UTRN: variants seen among roughly 807,000 people sequenced by gnomAD.
The protein encoded by UTRN is utrophin.
A neutral mutation model predicts 463.9 loss-of-function variants in UTRN; 283 were observed. That is an observed-to-expected ratio of 0.61 (90% CI 0.55 to 0.67). The LOEUF (loss-of-function observed/expected upper bound fraction) is 0.67, where lower values mean the gene tolerates loss of function less well. UTRN is among the 30% of genes least tolerant of loss of function. The pLI is 0.00. For missense variants in UTRN, 3,922 were observed against 4,084.3 expected (o/e 0.96, Z 1.08); for synonymous variants, 1,442 against 1,431.5 (o/e 1.01, Z -0.17).
Position 144,748,349 on chromosome 6 carries a change from T to C in UTRN, c.8043T>C (p.Asn2681=). ...KWESLNAVTS[N]WQKQVDKALE... ...AAAGTCTAAATGCTGTAACTAGCAA[T>C]TGGCAAAAGCAAGTGGACAAGGCAT... The change falls in exon 55 of 75, where the codon AAT becomes AAC. Residue 2681 remains asparagine, a synonymous_variant. Transcript: ENST00000367545. 1 of 1,613,710 alleles carries C rather than the reference T, an allele frequency of 6.2e-7. No homozygotes were observed. Among genetic ancestry groups the C allele is most frequent in the Non-Finnish European group, 8.5e-7 (1 of 1,179,908 alleles).
chr6:144,334,081 C>G (rs1776534253), intron 2 of UTRN, among the ~76,000 whole-genome samples: 1 of 151,758 alleles, frequency 6.6e-6, no homozygotes, highest in Non-Finnish European at 1.5e-5. Flanking sequence ...TATTTTTTTC[C>G]CTACAAAATT....
chr6:144,589,902 A>C (rs892447102), intron 51 of UTRN, among the ~76,000 whole-genome samples: 2 of 151,454 alleles, frequency 1.3e-5, no homozygotes, highest in African/African-American at 4.9e-5. Context: ...CACAGGCTGG[A>C]GTACAGTGGT....
At chr6:144,703,485 G>GA (rs879417443) in intron 53 of UTRN, among the ~76,000 whole-genome samples, 7 of 151,664 alleles carry the variant, frequency 4.6e-5, no homozygotes, top group Non-Finnish European at 1.0e-4. Flanking sequence ...TGTACCAAGG[G>GA]AAAAAAAATA....
chr6:144,676,224 C>A (rs1345052982), intron 51 of UTRN, among the ~76,000 whole-genome samples: 1 of 152,022 alleles, frequency 6.6e-6, no homozygotes, highest in East Asian at 1.9e-4. Context: ...TTTCTTTGTA[C>A]TTTCTTTATA....
At chr6:144,413,621 G>A (rs1438982898) in intron 3 of UTRN, among the ~76,000 whole-genome samples, 1 of 152,104 alleles carries the variant, frequency 6.6e-6, no homozygotes, top group Admixed American at 6.5e-5. Context: ...CGAGAGTTGG[G>A]TGGGGACACA....
chr6:144,417,763 C>T (rs1424567115), intron 3 of UTRN, among the ~76,000 whole-genome samples: 1 of 152,136 alleles, frequency 6.6e-6, no homozygotes, highest in Non-Finnish European at 1.5e-5. Context: ...TTTATGTATT[C>T]TCTATGGCTG....
At chr6:144,344,833 G>A (rs1266271309) in intron 2 of UTRN, among the ~76,000 whole-genome samples, 3 of 152,246 alleles carry the variant, frequency 2.0e-5, no homozygotes, top group Non-Finnish European at 4.4e-5. Flanking sequence ...TTCTGTTTCA[G>A]TGCAGGCTTG....
At position 144,361,528 on chromosome 6, in the gene UTRN, A is replaced by G. The variant is rs371918538; in HGVS notation, c.80-41595A>G. 7.2e-5 allele frequency among the ~76,000 whole-genome samples: 11 copies of G among 152,100 alleles called. No individual in the cohort carries two copies. In the East Asian group the frequency reaches 2.1e-3, roughly 29 times the overall value. ...CCAGGTGGATCTATTTCTGGATGCT[A>G]AAAGGGGCATTGCGGGGCTGATAAG... On this transcript the variant is annotated intron_variant, in intron 2 of 74. Coordinates refer to ENST00000367545, the MANE Select transcript of UTRN (RefSeq NM_007124.3).
chr6:144,773,185 G>T (rs1332176948), intron 59 of UTRN, among the ~76,000 whole-genome samples: 2 of 152,120 alleles, frequency 1.3e-5, no homozygotes, highest in African/African-American at 4.8e-5. Flanking sequence ...AGTATTGGTT[G>T]TAGGATCATT....
chr6:144,557,088 A>G, intron 49 of UTRN, 69 bp from the exon 50 acceptor site: 2 of 1,525,154 alleles, frequency 1.3e-6, no homozygotes, highest in East Asian at 2.3e-5. Context: ...TGCTGGGAGT[A>G]CCATTGTTTT....
At chr6:144,334,828 A>G (rs1776602175) in intron 2 of UTRN, among the ~76,000 whole-genome samples, 1 of 152,204 alleles carries the variant, frequency 6.6e-6, no homozygotes, top group Non-Finnish European at 1.5e-5. Flanking sequence ...AAATCCACTC[A>G]CAGCACGAAT....
At chr6:144,560,159 A>T (rs1414244397) in intron 50 of UTRN, among the ~76,000 whole-genome samples, 2 of 152,202 alleles carry the variant, frequency 1.3e-5, no homozygotes, top group Non-Finnish European at 2.9e-5. Context: ...ACTGAAGTAC[A>T]GAGAAGTTAA....
chr6:144,844,154 A>C (rs1315060861), intron 73 of UTRN, among the ~76,000 whole-genome samples: 1 of 152,234 alleles, frequency 6.6e-6, no homozygotes, highest in African/African-American at 2.4e-5. Flanking sequence ...TTATTTATAA[A>C]ATTGATACAT....
chr6:144,801,016 A>G (rs935857145), intron 64 of UTRN, among the ~76,000 whole-genome samples: 1 of 152,222 alleles, frequency 6.6e-6, no homozygotes, highest in Non-Finnish European at 1.5e-5. Flanking sequence ...GTCGTTATAA[A>G]GATGGCTCAG....
intron 53 of UTRN, among the ~76,000 whole-genome samples, chr6:144,729,667 G>T (rs1043785587): frequency 6.6e-6 from 1 of 152,168 alleles, no homozygotes; most frequent in East Asian, 1.9e-4. Flanking sequence ...GTTTTTATAG[G>T]TGCAGGGGTG....
chr6:144,686,404 C>T (rs76140690), intron 52 of UTRN, among the ~76,000 whole-genome samples: 2,810 of 152,154 alleles, frequency 0.018, 80 homozygotes, highest in African/African-American at 0.064. Flanking sequence ...CAGTTCAGTG[C>T]GCTTGTTCTA....
At chr6:144,627,107 G>C (rs998755346) in intron 51 of UTRN, among the ~76,000 whole-genome samples, 1 of 151,928 alleles carries the variant, frequency 6.6e-6, no homozygotes, top group Non-Finnish European at 1.5e-5. Flanking sequence ...CGCGGCAGAT[G>C]GGGGGTTAGG....
chr6:144,468,053 A>G (rs1186730729), intron 23 of UTRN, among the ~76,000 whole-genome samples: 1 of 151,692 alleles, frequency 6.6e-6, no homozygotes, highest in Non-Finnish European at 1.5e-5. Flanking sequence ...TCTATGTCTT[A>G]AAAAGCTGTG....
chr6:144,306,612 G>A (rs1805763038), intron 2 of UTRN, among the ~76,000 whole-genome samples: 1 of 152,048 alleles, frequency 6.6e-6, no homozygotes, highest in African/African-American at 2.4e-5. Flanking sequence ...GTTTTGAGGT[G>A]CCTGGAGATA....
Sources: allele counts gnomAD v4.1 joint callset (sites outside exome capture counted in the v4.1 genomes callset), GRCh38; gene constraint gnomAD v4.1.1; transcripts MANE v1.5; gene names NCBI Gene and HGNC (gene_info 2026-07-23, HGNC 2026-07-21).